Variants in RYR2 observed in about 807,000 individuals in gnomAD.
The protein encoded by RYR2 is cardiac muscle ryanodine receptor-calcium release channel.
Under a neutral mutation model 601.1 loss-of-function variants are expected in RYR2, and 227 were observed. The ratio of observed to expected loss-of-function variants is 0.38; its 90% confidence interval spans 0.34 to 0.42. The LOEUF is 0.42. RYR2 is among the 10% of genes least tolerant of loss of function. The pLI, the probability that RYR2 is intolerant of heterozygous loss-of-function variation, is 1.00. For synonymous variants in RYR2, 2,223 were observed against 2,175.1 expected (o/e 1.02, Z -0.61); for missense variants, 4,646 against 6,156.5 (o/e 0.75, Z 8.21).
At chr1:237,797,118 G>A (rs1035964708) in intron 96 of RYR2, among the ~76,000 whole-genome samples, 4 of 151,828 alleles carry the variant, frequency 2.6e-5, no homozygotes, top group East Asian at 1.9e-4. Flanking sequence ...TCACTCAGGA[G>A]GTATATGAAC....
chr1:237,268,935 C>CAAAAAAAA (rs1160004017), intron 1 of RYR2, among the ~76,000 whole-genome samples: 8 of 16,206 alleles, frequency 4.9e-4, no homozygotes, highest in Admixed American at 1.3e-3. Context: ...ACTCTTGTCT[C>CAAAAAAAA]AAAAAAAAAA....
intron 20 of RYR2, among the ~76,000 whole-genome samples, chr1:237,498,596 A>G (rs1664315401): frequency 6.6e-6 from 1 of 151,908 alleles, no homozygotes; most frequent in Non-Finnish European, 1.5e-5. Flanking sequence ...ACATTGATCG[A>G]CAATGCCAAG....
At chr1:237,149,308 A>AAAAC (rs1674429140) in intron 1 of RYR2, among the ~76,000 whole-genome samples, 1 of 152,174 alleles carries the variant, frequency 6.6e-6, no homozygotes, top group African/African-American at 2.4e-5. Flanking sequence ...AAAACAAACA[A>AAAAC]AAACAAAAAC....
chr1:237,073,850 G>A (rs541576605), intron 1 of RYR2, among the ~76,000 whole-genome samples: 5 of 121,606 alleles, frequency 4.1e-5, no homozygotes, highest in Middle Eastern at 6.8e-3. Flanking sequence ...CAGCCTGGGC[G>A]ACAGAGACTC....
intron 27 of RYR2, among the ~76,000 whole-genome samples, chr1:237,556,411 C>T (rs1422276091): frequency 6.6e-6 from 1 of 151,438 alleles, no homozygotes; most frequent in East Asian, 1.9e-4. Context: ...GTGATTTTCC[C>T]TGCCTCAGCC....
At chr1:237,381,385 G>A (rs1039179852) in intron 8 of RYR2, among the ~76,000 whole-genome samples, 1 of 151,922 alleles carries the variant, frequency 6.6e-6, no homozygotes, top group African/African-American at 2.4e-5. Context: ...TCATGTGAAA[G>A]CAAGGTTCAT....
intron 1 of RYR2, among the ~76,000 whole-genome samples, chr1:237,139,994 A>G (rs1231756390): frequency 6.6e-6 from 1 of 152,222 alleles, no homozygotes; most frequent in Non-Finnish European, 1.5e-5. Flanking sequence ...TTCAAGAGCT[A>G]AACATAGAAA....
At chr1:237,294,169 C>T (rs1014640209) in intron 2 of RYR2, among the ~76,000 whole-genome samples, 3 of 152,110 alleles carry the variant, frequency 2.0e-5, no homozygotes, top group Non-Finnish European at 4.4e-5. Flanking sequence ...GAACTTCTGT[C>T]GAGAAGGATA....
intron 1 of RYR2, among the ~76,000 whole-genome samples, chr1:237,251,150 C>CA (rs1687426813): frequency 6.6e-6 from 1 of 151,818 alleles, no homozygotes; most frequent in African/African-American, 2.4e-5. Context: ...CCATAGTGCC[C>CA]AAAATAGTGC....
chr1:237,312,166 A>G (rs1694642255), intron 2 of RYR2, among the ~76,000 whole-genome samples: 1 of 152,174 alleles, frequency 6.6e-6, no homozygotes, highest in African/African-American at 2.4e-5. Flanking sequence ...GTGGTTATGA[A>G]GGGTGTTCAT....
At chr1:237,230,927 C>CA (rs34596432) in intron 1 of RYR2, among the ~76,000 whole-genome samples, 105 of 105,836 alleles carry the variant, frequency 9.9e-4, no homozygotes, top group East Asian at 4.0e-3. Context: ...AGACTCGTCT[C>CA]AAAAAAAAAA....
intron 24 of RYR2, among the ~76,000 whole-genome samples, chr1:237,524,643 C>T (rs2805437): frequency 0.5 from 75,302 of 151,396 alleles, 18,878 homozygotes; most frequent in East Asian, 0.58. Context: ...GAGGCCCTCA[C>T]TTAATGTCTT....
chr1:237,194,247 G>T (rs1238538324), intron 1 of RYR2, among the ~76,000 whole-genome samples: 1 of 152,178 alleles, frequency 6.6e-6, no homozygotes, highest in Non-Finnish European at 1.5e-5. Context: ...GGCTGGCTTG[G>T]AGAGACCCGG....
chr1:237,132,066 G>T (rs746803359), intron 1 of RYR2, among the ~76,000 whole-genome samples: 6 of 152,156 alleles, frequency 3.9e-5, no homozygotes, highest in Non-Finnish European at 8.8e-5. Flanking sequence ...ACACTGAATA[G>T]GGTTGGTCTG....
At chr1:237,096,758 T>A (rs185547876) in intron 1 of RYR2, among the ~76,000 whole-genome samples, 48 of 152,262 alleles carry the variant, frequency 3.2e-4, no homozygotes, top group African/African-American at 1.1e-3. Context: ...TCCAGAAGAG[T>A]ACAAACTGAG....
chr1:237,722,259 C>A (rs186425669), intron 73 of RYR2, among the ~76,000 whole-genome samples: 2 of 152,134 alleles, frequency 1.3e-5, no homozygotes, highest in East Asian at 3.9e-4. Context: ...GTTACAACGT[C>A]TTGTGTTAAG....
chr1:237,478,230 A>G (rs953553758), intron 17 of RYR2, among the ~76,000 whole-genome samples: 1 of 152,194 alleles, frequency 6.6e-6, no homozygotes, highest in Non-Finnish European at 1.5e-5. Context: ...AGCAGAGCTC[A>G]TAGGTTACAG....
chr1:237,830,491 T>C, intron 102 of RYR2, 39 bp from the exon 103 acceptor site: 1 of 1,278,234 alleles, frequency 7.8e-7, no homozygotes, highest in Non-Finnish European at 1.1e-6. Context: ...TTGTTTTGCT[T>C]TCTGAACTCT....
intron 1 of RYR2, among the ~76,000 whole-genome samples, chr1:237,091,527 C>A (rs1242852815): frequency 6.6e-6 from 1 of 151,984 alleles, no homozygotes; most frequent in Non-Finnish European, 1.5e-5. Flanking sequence ...TGGGTTCAAG[C>A]AATTCTCCTG....
Sources: allele counts gnomAD v4.1 joint callset (sites outside exome capture counted in the v4.1 genomes callset), GRCh38; gene constraint gnomAD v4.1.1; transcripts MANE v1.5; gene names NCBI Gene and HGNC (gene_info 2026-07-23, HGNC 2026-07-21).